The following NQO2 variants were observed in gnomAD, a reference collection of about 807,000 sequenced individuals.
NQO2 encodes N-ribosyldihydronicotinamide:quinone dehydrogenase 2.
In NQO2, 18 loss-of-function variants were observed where a neutral mutation model predicts 22.0. The observed-to-expected ratio is 0.82, with a 90% CI of 0.56 to 1.21. The LOEUF (loss-of-function observed/expected upper bound fraction) is 1.21, where lower values mean the gene tolerates loss of function less well. Among genes scored for constraint, NQO2 ranks in the 50% most tolerant of loss-of-function variants. The pLI, the probability that NQO2 is intolerant of heterozygous loss-of-function variation, is 0.00. For synonymous variants in NQO2, 106 were observed against 110.8 expected, an observed-to-expected ratio of 0.96 and a Z score of 0.28; for missense variants, 267 against 286.9, an observed-to-expected ratio of 0.93 and a Z score of 0.50.
Position 3,013,191 on chromosome 6 carries a change from G to T in NQO2, c.303+517G>T, listed in dbSNP as rs1368586927. Among the ~76,000 whole-genome samples, 3 of 151,382 alleles carry T rather than the reference G, an allele frequency of 2.0e-5. No individual in the cohort carries two copies. The South Asian group carries it at 6.2e-4, about 32-fold the overall frequency. ...AGGATGGTCTCGATCTCCTGACCTC[G>T]TGATCCACCCGCCTCGGCCTCCCAA... On this transcript the variant is annotated intron_variant, in intron 4 of 6. Transcript: ENST00000380455.
chr6:3,014,192 T>C (rs1012975439), intron 4 of NQO2, among the ~76,000 whole-genome samples: 1 of 152,176 alleles, frequency 6.6e-6, no homozygotes, highest in African/African-American at 2.4e-5. Context: ...GCAACCTGCA[T>C]GTGCGGGAAG....
chr6:3,013,019 G>T (rs1452522520), intron 4 of NQO2, among the ~76,000 whole-genome samples: 2 of 140,244 alleles, frequency 1.4e-5, no homozygotes, highest in African/African-American at 5.4e-5. Flanking sequence ...GCAGTGGCGG[G>T]ATCTCGGCTC....
intron 1 of NQO2, chr6:3,005,753 C>A (rs1756930580): frequency 1.0e-6 from 1 of 985,302 alleles, no homozygotes; most frequent in African/African-American, 1.7e-5. Context: ...TTTTCCAGAG[C>A]CCCATTGTGT....
chr6:3,004,636 C>G (rs1489029431), intron 1 of NQO2: 11 of 985,360 alleles, frequency 1.1e-5, no homozygotes, highest in Non-Finnish European at 1.3e-5. Flanking sequence ...AGGCCCTGCT[C>G]AAGATTCCAG....
chr6:3,004,710 A>G (rs1331932784), intron 1 of NQO2: 3 of 916,780 alleles, frequency 3.3e-6, no homozygotes, highest in Non-Finnish European at 2.6e-6. Flanking sequence ...GTAAAGACAC[A>G]CTGATAGGTT....
intron 3 of NQO2, 59 bp from the exon 4 acceptor site, chr6:3,012,485 T>C (rs576472552): frequency 3.7e-5 from 57 of 1,556,204 alleles, no homozygotes; most frequent in Middle Eastern, 1.7e-4. Context: ...ACTGGGATGG[T>C]TGGGATGGGC....
rs1355689947 is a variant in NQO2, at chr6:3,018,397, T to A, written c.520-1082T>A. On this transcript the variant is annotated intron_variant, in intron 6 of 6. Coordinates refer to ENST00000380455, the MANE Select transcript of NQO2 (RefSeq NM_000904.6). ...GCGGACACCTGTAGTCCCAGCTACT[T>A]GGGAGGCTGAGGCAGCAGAATCGCT... Among the ~76,000 whole-genome samples the A allele has an allele frequency of 3.3e-5, 5 of 152,216 alleles. No homozygotes were observed. The East Asian group carries it at 9.7e-4, about 29-fold the overall frequency.
intron 6 of NQO2, among the ~76,000 whole-genome samples, chr6:3,017,339 T>A (rs528855892): frequency 6.6e-6 from 1 of 152,274 alleles, no homozygotes; most frequent in African/African-American, 2.4e-5. Context: ...TGTGTTGTGA[T>A]ACGTGCGGGT....
intron 2 of NQO2, among the ~76,000 whole-genome samples, chr6:3,007,803 C>T (rs1054371435): frequency 2.6e-5 from 4 of 152,196 alleles, no homozygotes; most frequent in Non-Finnish European, 5.9e-5. Context: ...TCTGATTCCT[C>T]ATGTTTTGTT....
intron 1 of NQO2, chr6:3,005,556 C>A: frequency 1.4e-6 from 1 of 703,344 alleles, no homozygotes; most frequent in Non-Finnish European, 1.7e-6. Context: ...AAAGCCTACA[C>A]AAGCCTTCTG....
Position 3,006,605 on chromosome 6 carries a change from G to A in NQO2, c.7+46G>A, listed in dbSNP as rs1390794211. On this transcript the variant is annotated intron_variant, in intron 2 of 6. Coordinates refer to ENST00000380455, the MANE Select transcript of NQO2 (RefSeq NM_000904.6). This position sits in a 1 kb window ranked among gnomAD's most constrained non-coding sequence, Gnocchi z 4.0. ...AGTAAGACTTTTTTTTTTTTGAGAT[G>A]GGATTTTGTTGTATTGCCCAGGCTG... 1.3e-6 allele frequency: 2 copies of A among 1,544,446 alleles called. No individual in the cohort carries two copies. Among genetic ancestry groups the A allele is most frequent in the East Asian group, 4.9e-5 (2 of 41,156 alleles).
intron 4 of NQO2, 110 bp from the exon 5 acceptor site, chr6:3,015,420 G>A: frequency 6.7e-7 from 1 of 1,485,126 alleles, no homozygotes; most frequent in Non-Finnish European, 8.9e-7. Context: ...CTGCCCAGCT[G>A]CCAGGGAAGA....
chr6:3,010,061 C>T lies in NQO2; in HGVS notation c.44C>T (p.Pro15Leu), dbSNP rs374673090. 3.7e-6 allele frequency: 6 copies of T among 1,613,924 alleles called. No individual in the cohort carries two copies. Among genetic ancestry groups the T allele is most frequent in the Middle Eastern group, 1.6e-4 (1 of 6,062 alleles). Reference protein sequence around the residue: ...KVLIVYAHQEPKSFNGSLKNV... With the variant: ...KVLIVYAHQELKSFNGSLKNV... The stretch of plus-strand genomic sequence containing the variant: ...CTCATTGTCTATGCACACCAGGAAC[C>T]CAAGTCTTTCAACGGATCCTTGAAG... Residue 15 changes from proline to leucine, a missense_variant, in exon 3 of 7, where the codon CCC becomes CTC. By Grantham distance (98) the Pro-to-Leu change is moderately conservative. Transcript: ENST00000380455.
intron 3 of NQO2, among the ~76,000 whole-genome samples, chr6:3,011,755 T>C (rs1757143552): frequency 6.6e-6 from 1 of 152,130 alleles, no homozygotes; most frequent in African/African-American, 2.4e-5. Context: ...AGAAAACATA[T>C]AGGCCAGGAG....
rs200495477 is a variant in NQO2 at position 3,015,650 on chromosome 6, G to C, written c.417+7G>C. The C allele has an allele frequency of 6.2e-7, 1 of 1,613,698 alleles. No individual in the cohort carries two copies. The highest frequency in any genetic ancestry group is 1.3e-5 in the African/African-American group (1 of 75,022). Reference sequence around the variant, plus strand: ...CGATTCCGGTTTGCTCCAGGTATGTGCTCTTGGATAAGGATCACTATGGAT... The same window carrying C: ...CGATTCCGGTTTGCTCCAGGTATGTCCTCTTGGATAAGGATCACTATGGAT... On this transcript the variant is annotated splice_region_variant and intron_variant, in intron 5 of 6. Coordinates refer to ENST00000380455, the MANE Select transcript of NQO2 (RefSeq NM_000904.6).
At chr6:3,015,794 C>T (rs541683083) in intron 5 of NQO2, 151 bp downstream of exon 5, 198 of 732,288 alleles carry the variant, frequency 2.7e-4, no homozygotes, top group Middle Eastern at 1.1e-3. Context: ...GTGCTGCACA[C>T]GGGTGGACAC....
At chr6:3,000,955 C>A (rs569690372) in intron 1 of NQO2, among the ~76,000 whole-genome samples, 19 of 151,650 alleles carry the variant, frequency 1.3e-4, no homozygotes, top group Non-Finnish European at 1.0e-4. Context: ...CGATTCTCCC[C>A]CCTCAGCCCC....
chr6:3,007,007 C>G, intron 2 of NQO2: 1 of 398,746 alleles, frequency 2.5e-6, no homozygotes, highest in East Asian at 3.6e-5. Flanking sequence ...AACATGCAAT[C>G]TCTCAACTTT....
Position 3,006,199 on chromosome 6 carries a change from C to A in NQO2, c.-85-269C>A. 1 of 378,084 alleles carries A rather than the reference C, an allele frequency of 2.6e-6. No individual in the cohort carries two copies. Among genetic ancestry groups the A allele is most frequent in the Non-Finnish European group, 3.6e-6 (1 of 275,006 alleles). The allele number at this position is 378,084 out of a possible 1,614,324, so 23.4% of individuals were successfully genotyped here. On this transcript the variant is annotated intron_variant, in intron 1 of 6. Coordinates refer to ENST00000380455, the MANE Select transcript of NQO2 (RefSeq NM_000904.6). The surrounding 1 kb of genome is among the most constrained non-coding windows in gnomAD (Gnocchi z 4.0). ...AGGAGGCTCAACTCCTGCTTCCTAC[C>A]GTGGCTCATTTCCTGGGTCCTTTGC...
Sources: allele counts gnomAD v4.1 joint callset (sites outside exome capture counted in the v4.1 genomes callset), GRCh38; gene constraint gnomAD v4.1.1; non-coding constraint Gnocchi (gnomAD v3.1); transcripts MANE v1.5; gene names NCBI Gene and HGNC (gene_info 2026-07-23, HGNC 2026-07-21).